The following INSYN2B variants were observed in gnomAD, a reference collection of about 807,000 sequenced individuals.
The protein encoded by INSYN2B is protein INSYN2B.
In INSYN2B, 16 loss-of-function variants were observed where a neutral mutation model predicts 41.2. The ratio of observed to expected loss-of-function variants is 0.39; its 90% CI spans 0.26 to 0.59. The LOEUF is 0.59. Ranked by LOEUF, INSYN2B falls within the 20% of genes least tolerant of loss-of-function variation. The pLI, the probability that INSYN2B is intolerant of heterozygous loss-of-function variation, is 0.57. For missense variants in INSYN2B, 608 were observed against 646.4 expected, an observed-to-expected ratio of 0.94 and a Z score of 0.64; for synonymous variants, 245 against 244.4, an observed-to-expected ratio of 1.00 and a Z score of -0.02.
intron 1 of INSYN2B, among the ~76,000 whole-genome samples, chr5:169,922,065 G>T (rs549137838): frequency 1.3e-5 from 2 of 152,212 alleles, no homozygotes; most frequent in Admixed American, 1.3e-4. Flanking sequence ...TTTCTATTCT[G>T]CTCATTTCCT....
intron 3 of INSYN2B, among the ~76,000 whole-genome samples, chr5:169,866,928 A>C (rs1454123985): frequency 6.6e-6 from 1 of 152,212 alleles, no homozygotes; most frequent in East Asian, 1.9e-4. Flanking sequence ...ACCCAGAGAT[A>C]GCATCAGATT....
At chr5:169,866,552 C>A (rs887416975) in intron 3 of INSYN2B, among the ~76,000 whole-genome samples, 1 of 152,236 alleles carries the variant, frequency 6.6e-6, no homozygotes, top group Admixed American at 6.5e-5. Context: ...TTCTTTGTGG[C>A]AGGCCCTGTT....
intron 1 of INSYN2B, among the ~76,000 whole-genome samples, chr5:169,947,763 G>A (rs1383117989): frequency 6.6e-6 from 1 of 152,212 alleles, no homozygotes; most frequent in East Asian, 1.9e-4. Context: ...TACCTAGAGG[G>A]GAGGAGCAGG....
At chr5:169,946,121 C>G (rs1356602287) in intron 1 of INSYN2B, among the ~76,000 whole-genome samples, 2 of 152,174 alleles carry the variant, frequency 1.3e-5, no homozygotes, top group East Asian at 3.9e-4. Context: ...CTCAGCACAG[C>G]AAATATGAGG....
At chr5:169,893,238 G>GGCTGCT (rs148410878) in intron 1 of INSYN2B, among the ~76,000 whole-genome samples, 9 of 151,872 alleles carry the variant, frequency 5.9e-5, no homozygotes, top group African/African-American at 1.9e-4. Flanking sequence ...CAGAGGCATT[G>GGCTGCT]GCTGCTGCTG....
chr5:169,878,436 A>G (rs1034875693), intron 3 of INSYN2B, among the ~76,000 whole-genome samples: 1 of 152,256 alleles, frequency 6.6e-6, no homozygotes, highest in Non-Finnish European at 1.5e-5. Flanking sequence ...AGTATTTAAA[A>G]GGACTAGTTT....
intron 1 of INSYN2B, among the ~76,000 whole-genome samples, chr5:169,961,859 A>ATCCCAGCT (rs1777098452): frequency 1.3e-5 from 2 of 151,496 alleles, no homozygotes; most frequent in African/African-American, 4.9e-5. Context: ...GGCACCTGTA[A>ATCCCAGCT]TCCCAGCTAC....
At chr5:169,970,382 T>A (rs2113762569) in intron 1 of INSYN2B, among the ~76,000 whole-genome samples, 1 of 152,370 alleles carries the variant, frequency 6.6e-6, no homozygotes, top group East Asian at 1.9e-4. Flanking sequence ...TCATTTATCC[T>A]GGGCATCTGG....
At chr5:169,871,092 C>A (rs1771938661) in intron 3 of INSYN2B, among the ~76,000 whole-genome samples, 1 of 152,126 alleles carries the variant, frequency 6.6e-6, no homozygotes, top group Non-Finnish European at 1.5e-5. Flanking sequence ...GGCACTAATC[C>A]CATTCACGAG....
chr5:169,893,958 G>T lies in INSYN2B; in HGVS notation c.-918-9142C>A, dbSNP rs188469721. On this transcript the variant is annotated intron_variant, in intron 1 of 3. Transcript: ENST00000377365. ...AATCTCTTCCTGTAGATTGTCTAAAGAAATTATGAATAAAATTGGAAAAGT... is the reference window on the plus strand; with the variant it reads ...AATCTCTTCCTGTAGATTGTCTAAATAAATTATGAATAAAATTGGAAAAGT... Among the ~76,000 whole-genome samples, 335 of 150,680 alleles carry T rather than the reference G, an allele frequency of 2.2e-3. 1 individual carries two copies. The highest frequency in any genetic ancestry group is 7.2e-3 in the African/African-American group (299 of 41,474).
At chr5:169,865,000 C>T (rs565030811) in intron 3 of INSYN2B, among the ~76,000 whole-genome samples, 4 of 152,262 alleles carry the variant, frequency 2.6e-5, no homozygotes, top group East Asian at 1.9e-4. Flanking sequence ...CTTCTATTAC[C>T]GCTATCATCA....
intron 1 of INSYN2B, among the ~76,000 whole-genome samples, chr5:169,925,519 G>A (rs1371475061): frequency 7.2e-6 from 1 of 139,570 alleles, no homozygotes; most frequent in Non-Finnish European, 1.5e-5. Context: ...GGTGGAGATT[G>A]CAATGAGCTA....
chr5:169,875,290 G>A (rs1772257300), intron 3 of INSYN2B: 1 of 456,568 alleles, frequency 2.2e-6, no homozygotes, highest in Admixed American at 2.3e-5. Flanking sequence ...TGGCTTTGGG[G>A]CTGAAACCCA....
chr5:169,922,143 G>A (rs1333569254), intron 1 of INSYN2B, among the ~76,000 whole-genome samples: 1 of 152,196 alleles, frequency 6.6e-6, no homozygotes, highest in Non-Finnish European at 1.5e-5. Context: ...AGTAATGTCA[G>A]TCATCAATAT....
intron 3 of INSYN2B, among the ~76,000 whole-genome samples, chr5:169,872,687 A>G (rs765748240): frequency 6.6e-5 from 10 of 152,168 alleles, no homozygotes; most frequent in Non-Finnish European, 1.5e-4. Flanking sequence ...CAGAAAGGGT[A>G]GATCATCTCC....
intron 1 of INSYN2B, among the ~76,000 whole-genome samples, chr5:169,974,212 A>G (rs2113770464): frequency 6.6e-6 from 1 of 152,306 alleles, no homozygotes; most frequent in African/African-American, 2.4e-5. Flanking sequence ...AAATGGTATT[A>G]CCAACATCTA....
chr5:169,890,975 C>G (rs966852029), intron 1 of INSYN2B, among the ~76,000 whole-genome samples: 1 of 152,190 alleles, frequency 6.6e-6, no homozygotes, highest in Non-Finnish European at 1.5e-5. Context: ...AGGTGTCCCA[C>G]TACATTTAAA....
At chr5:169,922,302 C>G (rs113500459) in intron 1 of INSYN2B, among the ~76,000 whole-genome samples, 6,281 of 152,228 alleles carry the variant, frequency 0.041, 181 homozygotes, top group South Asian at 0.12. Context: ...AAGATGAGCC[C>G]TAATTTATGC....
At chr5:169,936,515 T>C (rs559306408) in intron 1 of INSYN2B, among the ~76,000 whole-genome samples, 1 of 151,688 alleles carries the variant, frequency 6.6e-6, no homozygotes, top group South Asian at 2.1e-4. Flanking sequence ...TAAACACATC[T>C]ATTCTATCCT....
Sources: allele counts gnomAD v4.1 joint callset (sites outside exome capture counted in the v4.1 genomes callset), GRCh38; gene constraint gnomAD v4.1.1; transcripts MANE v1.5; gene names NCBI Gene and HGNC (gene_info 2026-07-23, HGNC 2026-07-21).